Variants in EMC1 observed in about 807,000 individuals in gnomAD.
EMC1 encodes KIAA0090.
Under a neutral mutation model 128.8 loss-of-function variants are expected in EMC1, and 103 were observed. That is an observed-to-expected ratio of 0.80 (90% CI 0.68 to 0.94). The LOEUF (loss-of-function observed/expected upper bound fraction) is 0.94. Among genes scored for constraint, EMC1 ranks in the 40% least tolerant of loss-of-function variants. The pLI, the probability that EMC1 is intolerant of heterozygous loss-of-function variation, is 0.00. For synonymous variants in EMC1, 442 were observed against 490.4 expected (o/e 0.90, Z 1.30); for missense variants, 1,083 against 1,250.6 (o/e 0.87, Z 2.02).
intron 12 of EMC1, 38 bp from the exon 13 acceptor site, chr1:19,235,290 G>A (rs1368195799): frequency 6.3e-7 from 1 of 1,593,258 alleles, no homozygotes; most frequent in Non-Finnish European, 8.6e-7. Flanking sequence ...GCCTGGGGCT[G>A]GGCACAGTGG....
chr1:19,239,148 T>G, intron 9 of EMC1, 83 bp downstream of exon 9: 1 of 1,320,698 alleles, frequency 7.6e-7, no homozygotes, highest in Admixed American at 1.7e-5. Context: ...CAGGTCAATG[T>G]GCCCAGACTT....
chr1:19,250,087 G>A (rs1449708441), intron 1 of EMC1, among the ~76,000 whole-genome samples: 2 of 151,482 alleles, frequency 1.3e-5, no homozygotes, highest in Non-Finnish European at 2.9e-5. Flanking sequence ...GTGTGGTGGC[G>A]CATGCCTGTA....
In EMC1 at chr1:19,219,041, C is replaced by T. The variant is rs1415414100; in HGVS notation, c.*262G>A. Reference sequence around the variant, plus strand: ...GGGCAAAGAAAGGAAACAATGCAGACGCCTTTGGACTTCAAGAGAAAGCCC... The same window carrying T: ...GGGCAAAGAAAGGAAACAATGCAGATGCCTTTGGACTTCAAGAGAAAGCCC... On this transcript the variant is annotated 3_prime_UTR_variant, in exon 23 of 23. Transcript: ENST00000477853. The T allele has an allele frequency of 2.6e-5, 10 of 382,974 alleles. No homozygotes were observed. The highest frequency in any genetic ancestry group is 1.1e-4 in the South Asian group (2 of 18,398). 23.7% of individuals were successfully genotyped at this position (382,974 alleles called of 1,614,324 possible). A position where few individuals can be genotyped will look rare whatever the true frequency, so the allele number is the denominator to read the frequency against.
rs1423034159 is a variant in EMC1, at chr1:19,236,591, G to C, written c.1309+551C>G. ...GAATCACTTAAACCTGGGAGGCAGA[G>C]GTTGCAGTGAGCTGAGATCATGCCA... On this transcript the variant is annotated intron_variant, in intron 12 of 22. Transcript: ENST00000477853. 5.3e-5 allele frequency among the ~76,000 whole-genome samples: 8 copies of C among 150,538 alleles called. No homozygotes were observed. In the East Asian group the frequency reaches 1.4e-3, roughly 26 times the overall value.
intron 8 of EMC1, 150 bp from the exon 9 acceptor site, chr1:19,239,452 G>T: frequency 1.5e-6 from 1 of 668,750 alleles, no homozygotes; most frequent in East Asian, 2.7e-5. Context: ...TAAGAGCAGA[G>T]GGAGGCCTCA....
intron 17 of EMC1, 82 bp downstream of exon 17, chr1:19,230,762 G>T (rs928466222): frequency 1.3e-6 from 2 of 1,534,426 alleles, no homozygotes; most frequent in Non-Finnish European, 1.8e-6. Flanking sequence ...AGAATGAGTA[G>T]CATAATTCAC....
Position 19,232,997 on chromosome 1 carries a change from G to T in EMC1, c.1571C>A (p.Thr524Asn). The T allele has an allele frequency of 6.2e-7, 1 of 1,614,186 alleles. No homozygotes were observed. The highest frequency in any genetic ancestry group is 2.2e-5 in the East Asian group (1 of 44,880). Residue 524 changes from threonine to asparagine, a missense_variant, in exon 14 of 23, where the codon ACC becomes AAC. Physicochemically the swap from Thr to Asn is moderately conservative, Grantham distance 65. Coordinates refer to ENST00000477853, the MANE Select transcript of EMC1 (RefSeq NM_015047.3). The part of the protein sequence containing the change: ...SQIKNEINID[T>N]LARDEFNLQK... Reference sequence around the variant, plus strand: ...GAGGTTGAATTCATCTCTGGCCAGGGTGTCAATGTTGATCTCATTCTTAAT... The same window carrying T: ...GAGGTTGAATTCATCTCTGGCCAGGTTGTCAATGTTGATCTCATTCTTAAT...
chr1:19,237,006 G>T (rs894099198), intron 12 of EMC1, 136 bp downstream of exon 12: 11 of 617,708 alleles, frequency 1.8e-5, no homozygotes, highest in Non-Finnish European at 2.9e-5. Context: ...GTGACATTTG[G>T]CTATGAACGA....
intron 4 of EMC1, among the ~76,000 whole-genome samples, chr1:19,243,341 A>C (rs1341084279): frequency 6.6e-6 from 1 of 152,240 alleles, no homozygotes; most frequent in Non-Finnish European, 1.5e-5. Flanking sequence ...TTATGTTCTT[A>C]TATCTGGAAC....
chr1:19,228,823 G>A (rs561830443), intron 17 of EMC1, among the ~76,000 whole-genome samples: 146 of 152,216 alleles, frequency 9.6e-4, no homozygotes, highest in Middle Eastern at 3.4e-3. Context: ...AGCCCGAGGC[G>A]GGAGGATCAC....
At chr1:19,233,157 A>G in intron 13 of EMC1, 22 bp from the exon 14 acceptor site, 1 of 1,600,578 alleles carries the variant, frequency 6.2e-7, no homozygotes, top group East Asian at 2.2e-5. Context: ...GAAAAGTAAC[A>G]TACTCTACAT....
At chr1:19,229,261 A>G (rs937163747) in intron 17 of EMC1, 2 of 152,184 alleles carry the variant, frequency 1.3e-5, no homozygotes, top group African/African-American at 4.8e-5. Flanking sequence ...CAATGAGAAT[A>G]TACTCAATGT....
chr1:19,222,176 G>A (rs2151937321), intron 20 of EMC1, among the ~76,000 whole-genome samples: 1 of 151,382 alleles, frequency 6.6e-6, no homozygotes, highest in Middle Eastern at 3.5e-3. Flanking sequence ...TGAAGGCCAG[G>A]CAGCCAGGCA....
In EMC1 at chr1:19,231,342, G is replaced by A; in HGVS notation, c.1863C>T (p.Arg621=). Residue 621 remains arginine, a synonymous_variant, in exon 16 of 23, where the codon CGC becomes CGT. Transcript: ENST00000477853. ...WSQVAPPVLK[R]PILQSLLLPV... ...GGAGAAGCAAGGACTGCAAGATGGG[G>A]CGCTTCAGCACTGGGGGAGCTACCT... is the stretch of plus-strand genomic sequence containing the variant. 1 of 1,612,142 alleles carries A rather than the reference G, an allele frequency of 6.2e-7. No individual in the cohort carries two copies. The highest frequency in any genetic ancestry group is 8.5e-7 in the Non-Finnish European group (1 of 1,179,560).
chr1:19,244,166 C>T (rs1198292765), intron 2 of EMC1, 151 bp from the exon 3 acceptor site: 2 of 742,452 alleles, frequency 2.7e-6, no homozygotes, highest in Non-Finnish European at 4.5e-6. Flanking sequence ...TGATCCAGTC[C>T]CATTCACGGG....
chr1:19,238,453 G>A (rs186879639), intron 10 of EMC1, among the ~76,000 whole-genome samples: 1 of 152,282 alleles, frequency 6.6e-6, no homozygotes, highest in Admixed American at 6.5e-5. Flanking sequence ...CGCTTAGATG[G>A]AAGCCACAGC....
chr1:19,235,846 T>C (rs2093559203), intron 12 of EMC1, among the ~76,000 whole-genome samples: 1 of 152,038 alleles, frequency 6.6e-6, no homozygotes, highest in African/African-American at 2.4e-5. Context: ...TGAGCTATGA[T>C]CACGCCACTG....
In EMC1 at chr1:19,220,840, G is replaced by T; in HGVS notation, c.2596C>A (p.Pro866Thr). The change falls in exon 21 of 23, where the codon CCT (proline) becomes ACT (threonine). Residue 866 changes from proline (P) to threonine (T), a missense_variant. Around this residue, in one of 3 missense-constraint regions of EMC1, gnomAD observed 527 missense variants for 644.1 expected, o/e 0.82. Coordinates refer to ENST00000477853, the MANE Select transcript of EMC1 (RefSeq NM_015047.3). The stretch of plus-strand genomic sequence containing the variant: ...GGAAGGGAAAGAATTGCTCCAGAAG[G>T]TAGTCCAACTACACAGGAGGAAGTG... ...ITSRHLLIGL[P>T]SGAILSLPKA... The T allele has an allele frequency of 6.2e-7, 1 of 1,612,936 alleles. No homozygotes were observed. The highest frequency in any genetic ancestry group is 2.2e-5 in the East Asian group (1 of 44,846).
In EMC1 at chr1:19,219,283, T is replaced by C; in HGVS notation, c.*20A>G. On this transcript the variant is annotated 3_prime_UTR_variant, in exon 23 of 23. Coordinates refer to ENST00000477853, the MANE Select transcript of EMC1 (RefSeq NM_015047.3). ...CCCACACTCCCCTGGCTCTCCACTT[T>C]TAGGCACAGTCTTTGTTCTTTATCG... The C allele has an allele frequency of 1.2e-6, 2 of 1,613,726 alleles. No individual in the cohort carries two copies. The highest frequency in any genetic ancestry group is 1.7e-5 in the Admixed American group (1 of 60,004).
Sources: allele counts gnomAD v4.1 joint callset (sites outside exome capture counted in the v4.1 genomes callset), GRCh38; gene constraint gnomAD v4.1.1; regional missense constraint gnomAD v4.1.1; transcripts MANE v1.5; gene names NCBI Gene and HGNC (gene_info 2026-07-23, HGNC 2026-07-21).